PRKG1: variants seen among roughly 807,000 people sequenced by gnomAD.
PRKG1 encodes the protein protein kinase cGMP-dependent 1.
Under a neutral mutation model 88.1 loss-of-function variants are expected in PRKG1, and 35 were observed. The observed-to-expected ratio is 0.40, with a 90% CI of 0.30 to 0.53. The LOEUF (loss-of-function observed/expected upper bound fraction) is 0.53. Among genes scored for constraint, PRKG1 ranks in the 20% least tolerant of loss-of-function variants. The pLI, the probability that PRKG1 is intolerant of heterozygous loss-of-function variation, is 0.59. For missense variants in PRKG1, 540 were observed against 839.8 expected (o/e 0.64, Z 4.41); for synonymous variants, 303 against 292.5 (o/e 1.04, Z -0.37).
At chr10:51,709,231 C>T (rs1841683131) in intron 3 of PRKG1, among the ~76,000 whole-genome samples, 2 of 152,088 alleles carry the variant, frequency 1.3e-5, no homozygotes, top group African/African-American at 4.8e-5. Context: ...TAGAAAGTTC[C>T]CACCATATAT....
intron 1 of PRKG1, among the ~76,000 whole-genome samples, chr10:51,003,427 T>C (rs566585282): frequency 2.6e-5 from 4 of 152,320 alleles, no homozygotes; most frequent in Admixed American, 2.0e-4. Flanking sequence ...GGAGACAGGC[T>C]GTGGAATCTC....
In PRKG1 at chr10:51,338,736, G is replaced by A. The variant is rs112770243; in HGVS notation, c.479-128987G>A. ...TTTCAGATAAATCTGGGGATCTTTG[G>A]GATGTCTGATTAGTGATGCTATGAT... On this transcript the variant is annotated intron_variant, in intron 2 of 17. Transcript: ENST00000373980. Among the ~76,000 whole-genome samples the A allele has an allele frequency of 5.9e-3, 894 of 152,198 alleles. 9 individuals are homozygous for A. The highest frequency in any genetic ancestry group is 7.3e-3 in the Non-Finnish European group (499 of 68,018).
At chr10:51,590,086 T>C (rs1838272451) in intron 3 of PRKG1, among the ~76,000 whole-genome samples, 1 of 152,182 alleles carries the variant, frequency 6.6e-6, no homozygotes, top group Non-Finnish European at 1.5e-5. Flanking sequence ...CAAGCAGAAC[T>C]TGTCAAAAAC....
chr10:51,991,622 C>T (rs979336981), intron 5 of PRKG1, among the ~76,000 whole-genome samples: 1 of 152,130 alleles, frequency 6.6e-6, no homozygotes, highest in Non-Finnish European at 1.5e-5. Flanking sequence ...TGAGTGAGAA[C>T]ATGCAGTGTT....
At chr10:52,039,904 A>G (rs1330609775) in intron 5 of PRKG1, among the ~76,000 whole-genome samples, 1 of 152,178 alleles carries the variant, frequency 6.6e-6, no homozygotes, top group East Asian at 1.9e-4. Flanking sequence ...CTGCAGAATA[A>G]AAAAGGGGGC....
chr10:52,004,539 G>A (rs1004372382), intron 5 of PRKG1, among the ~76,000 whole-genome samples: 4 of 152,138 alleles, frequency 2.6e-5, no homozygotes, highest in Admixed American at 6.6e-5. Context: ...TGTGTGAACA[G>A]CATCTAACGA....
At chr10:51,206,356 G>C (rs939834870) in intron 2 of PRKG1, among the ~76,000 whole-genome samples, 4 of 151,906 alleles carry the variant, frequency 2.6e-5, no homozygotes, top group Admixed American at 1.3e-4. Flanking sequence ...AGCCAGGCGT[G>C]GGGGTGGGCG....
At chr10:51,771,123 G>T (rs1482284367) in intron 3 of PRKG1, among the ~76,000 whole-genome samples, 1 of 152,160 alleles carries the variant, frequency 6.6e-6, no homozygotes. Flanking sequence ...TGCAAAAGCA[G>T]TTGCGAGTTT....
chr10:51,851,504 T>C lies in PRKG1; in HGVS notation c.698+46814T>C, dbSNP rs138470836. 7.5e-3 allele frequency among the ~76,000 whole-genome samples: 1,147 copies of C among 152,284 alleles called. 20 individuals carry two copies. Among genetic ancestry groups the C allele is most frequent in the African/African-American group, 0.026 (1,097 of 41,566 alleles). On this transcript the variant is annotated intron_variant, in intron 4 of 17. Coordinates refer to ENST00000373980, the MANE Select transcript of PRKG1 (RefSeq NM_006258.4). ...TGACAAACGCTTCCCTATGGGGAAG[T>C]AGGGCAATAAGGCCTATGGAGGTGA...
intron 3 of PRKG1, among the ~76,000 whole-genome samples, chr10:51,576,753 C>T (rs749330400): frequency 7.3e-5 from 11 of 150,908 alleles, no homozygotes; most frequent in Non-Finnish European, 1.3e-4. Flanking sequence ...ACTTTGCTAA[C>T]TGTAATTGTT....
intron 2 of PRKG1, among the ~76,000 whole-genome samples, chr10:51,246,407 C>G (rs940348387): frequency 6.6e-6 from 1 of 152,006 alleles, no homozygotes; most frequent in Non-Finnish European, 1.5e-5. Context: ...AAATCCAGCC[C>G]ACCTCCTGTT....
At chr10:51,853,996 A>G (rs1840620146) in intron 4 of PRKG1, among the ~76,000 whole-genome samples, 1 of 152,148 alleles carries the variant, frequency 6.6e-6, no homozygotes, top group Non-Finnish European at 1.5e-5. Context: ...TTCAAAAAAC[A>G]GCAATTGTTT....
At chr10:52,051,994 C>G (rs914821323) in intron 5 of PRKG1, among the ~76,000 whole-genome samples, 1 of 152,074 alleles carries the variant, frequency 6.6e-6, no homozygotes. Context: ...CCCGCTTGTC[C>G]CAAAGCTACA....
At chr10:51,247,604 G>T (rs141502365) in intron 2 of PRKG1, among the ~76,000 whole-genome samples, 2,221 of 152,038 alleles carry the variant, frequency 0.015, 27 homozygotes, top group Middle Eastern at 0.034. Context: ...ACAGGACGTT[G>T]TTTAACTTGT....
intron 3 of PRKG1, among the ~76,000 whole-genome samples, chr10:51,620,314 A>C (rs1317869715): frequency 1.3e-5 from 2 of 152,164 alleles, no homozygotes; most frequent in Non-Finnish European, 2.9e-5. Context: ...TGAAGATGAA[A>C]GTAAAAATAA....
intron 2 of PRKG1, among the ~76,000 whole-genome samples, chr10:51,286,452 C>T (rs1385121079): frequency 6.6e-6 from 1 of 152,112 alleles, no homozygotes; most frequent in Non-Finnish European, 1.5e-5. Context: ...TTATTTCTTG[C>T]ACCACTTTTT....
chr10:51,859,006 C>A (rs757614014), intron 4 of PRKG1, among the ~76,000 whole-genome samples: 1 of 152,098 alleles, frequency 6.6e-6, no homozygotes, highest in Non-Finnish European at 1.5e-5. Context: ...CTTGTCTCAA[C>A]CCCCAAAGTG....
chr10:51,119,821 ATAAT>A (rs961722533), intron 1 of PRKG1, among the ~76,000 whole-genome samples: 8 of 152,140 alleles, frequency 5.3e-5, no homozygotes, highest in Admixed American at 3.9e-4. Context: ...CGTATAAAAA[ATAAT>A]TAATTTTTTA....
chr10:51,670,845 T>C (rs986879300), intron 3 of PRKG1, among the ~76,000 whole-genome samples: 1 of 151,962 alleles, frequency 6.6e-6, no homozygotes, highest in South Asian at 2.1e-4. Flanking sequence ...AGTATTTTTA[T>C]CCTACTCCTG....
Sources: gnomAD v4.1 joint callset for allele counts (sites outside exome capture counted in the v4.1 genomes callset) on GRCh38, gnomAD v4.1.1 for gene constraint, MANE v1.5 for transcripts, NCBI Gene and HGNC (gene_info 2026-07-23, HGNC 2026-07-21) for gene names.